MTR: variants seen among roughly 807,000 people sequenced by gnomAD.
The protein encoded by MTR is 5-methyltetrahydrofolate-homocysteine methyltransferase, also known as methionine synthase.
MTR carries 84 observed loss-of-function variants against 154.8 expected under a neutral mutation model. The observed-to-expected ratio is 0.54, with a 90% CI of 0.45 to 0.65. The LOEUF (loss-of-function observed/expected upper bound fraction) is 0.65, where lower values mean the gene tolerates loss of function less well. MTR is among the 30% of genes least tolerant of loss of function. MTR has a pLI of 0.00. For missense variants in MTR, 1,275 were observed against 1,570.2 expected (o/e 0.81, Z 3.18); for synonymous variants, 554 against 553.9 (o/e 1.00, Z 0.00).
rs572940149 is a variant in MTR at position 236,901,879 on chromosome 1, A to G, written c.*4235A>G. 1 of 152,194 alleles carries G rather than the reference A, an allele frequency of 6.6e-6. No homozygotes were observed. Among genetic ancestry groups the G allele is most frequent in the South Asian group, 2.1e-4 (1 of 4,804 alleles). The allele number at this position is 152,194 out of a possible 1,614,324, so 9.4% of individuals were successfully genotyped here. On this transcript the variant is annotated 3_prime_UTR_variant, in exon 33 of 33. Transcript: ENST00000366577. ...TTTGGGGGATACATCAGACCATAAC[A>G]CTTTTCTTTTTCTCAACCTTCACAT...
intron 22 of MTR, among the ~76,000 whole-genome samples, chr1:236,867,508 A>G (rs1023611875): frequency 6.6e-6 from 1 of 152,224 alleles, no homozygotes; most frequent in Non-Finnish European, 1.5e-5. Flanking sequence ...CACAACATCC[A>G]TTCTGCAGCC....
In MTR at chr1:236,831,967, T is replaced by C. The variant is rs745469748; in HGVS notation, c.1077T>C (p.Gly359=). The change falls in exon 13 of 33, where the codon GGT becomes GGC. Residue 359 remains glycine (G), a splice_region_variant and synonymous_variant. Transcript: ENST00000366577. ...TTTCAAAATGCTTCTCCTTTTAAGG[T>C]CTAGAGCCCTTCAGGATTGGACCGT... The part of the protein sequence containing the change: ...TAFEGHMLLS[G]LEPFRIGPYT... The C allele has an allele frequency of 3.7e-6, 6 of 1,613,134 alleles. No individual in the cohort carries two copies. The highest frequency in any genetic ancestry group is 5.1e-6 in the Non-Finnish European group (6 of 1,179,176).
In MTR at chr1:236,795,576, C is replaced by T; in HGVS notation, c.-128C>T. The T allele has an allele frequency of 1.3e-6, 2 of 1,574,984 alleles. No individual in the cohort carries two copies. The highest frequency in any genetic ancestry group is 1.7e-6 in the Non-Finnish European group (2 of 1,165,624). ...CCCCGCGACGCGAGCCAACGGGAGG[C>T]GTCAAAAGACCCGGGCCTTGTGTGG... On this transcript the variant is annotated 5_prime_UTR_variant, in exon 1 of 33. Coordinates refer to ENST00000366577, the MANE Select transcript of MTR (RefSeq NM_000254.3).
chr1:236,843,827 A>T (rs538274228), intron 15 of MTR, among the ~76,000 whole-genome samples: 1 of 152,336 alleles, frequency 6.6e-6, no homozygotes, highest in South Asian at 2.1e-4. Flanking sequence ...AGAAAGACTG[A>T]GAAGCAGGTT....
intron 27 of MTR, 140 bp from the exon 28 acceptor site, chr1:236,889,041 C>T (rs1324438468): frequency 3.0e-6 from 3 of 1,012,160 alleles, no homozygotes; most frequent in Non-Finnish European, 4.7e-6. Context: ...TTAAAGTTCC[C>T]CTCTTTGTAA....
intron 7 of MTR, 43 bp from the exon 8 acceptor site, chr1:236,816,406 A>G (rs1269325516): frequency 6.5e-7 from 1 of 1,528,100 alleles, no homozygotes; most frequent in African/African-American, 1.4e-5. Flanking sequence ...TATATTCTTA[A>G]CTTGAGTCTG....
intron 14 of MTR, 99 bp from the exon 15 acceptor site, chr1:236,838,315 T>G (rs1558299528): frequency 7.9e-7 from 1 of 1,258,538 alleles, no homozygotes; most frequent in Non-Finnish European, 1.1e-6. Context: ...TTGTTTATTG[T>G]TTTGCTAAAG....
At chr1:236,850,320 T>A in intron 15 of MTR, 24 bp from the exon 16 acceptor site, 2 of 1,585,894 alleles carry the variant, frequency 1.3e-6, no homozygotes, top group East Asian at 4.5e-5. Context: ...TATTTCAAAC[T>A]ACATCTTTTG....
At position 236,805,704 on chromosome 1, in the gene MTR, C is replaced by T. The variant is rs573534469; in HGVS notation, c.250-440C>T. Among the ~76,000 whole-genome samples, 72 of 152,058 alleles carry T rather than the reference C, an allele frequency of 4.7e-4. 1 individual carries two copies. Among genetic ancestry groups the T allele is most frequent in the Admixed American group, 7.9e-4 (12 of 15,266 alleles). ...TTAGAGACAGGGTCTTTCTATGTTGCACAGACTGGTCTTGAACTCCTGGCC... is the reference window on the plus strand; with the variant it reads ...TTAGAGACAGGGTCTTTCTATGTTGTACAGACTGGTCTTGAACTCCTGGCC... On this transcript the variant is annotated intron_variant, in intron 2 of 32. Coordinates refer to ENST00000366577, the MANE Select transcript of MTR (RefSeq NM_000254.3).
intron 1 of MTR, among the ~76,000 whole-genome samples, chr1:236,797,363 G>T (rs910800571): frequency 6.6e-6 from 1 of 152,208 alleles, no homozygotes; most frequent in African/African-American, 2.4e-5. Flanking sequence ...GACCATGGTT[G>T]TGTGCCCTGG....
chr1:236,829,066 T>C, intron 11 of MTR, 123 bp from the exon 12 acceptor site: 1 of 748,536 alleles, frequency 1.3e-6, no homozygotes, highest in Middle Eastern at 3.6e-4. Flanking sequence ...AGTAGGTATA[T>C]AATTATATGT....
In MTR at chr1:236,853,159, G is replaced by C. The variant is rs115763289; in HGVS notation, c.1953+71G>C. The C allele has an allele frequency of 3.4e-6, 5 of 1,472,580 alleles. No individual in the cohort carries two copies. The East Asian group carries it at 6.8e-5, about 20-fold the overall frequency. The allele number at this position is 1,472,580 out of a possible 1,614,324, so 91.2% of individuals were successfully genotyped here. A position where few individuals can be genotyped will look rare whatever the true frequency, so the allele number is the denominator to read the frequency against. On this transcript the variant is annotated intron_variant, in intron 18 of 32. Coordinates refer to ENST00000366577, the MANE Select transcript of MTR (RefSeq NM_000254.3). ...ATGTATTACTCACCTACAGTTAGTA[G>C]ACCTTCATGGTGGAATAGAAGCAAA...
chr1:236,806,015 G>C lies in MTR; in HGVS notation c.250-129G>C, dbSNP rs180808537. 162 of 771,574 alleles carry C rather than the reference G, an allele frequency of 2.1e-4. No individual in the cohort carries two copies. The East Asian group carries it at 4.1e-3, about 20-fold the overall frequency. The allele number at this position is 771,574 out of a possible 1,614,324, so 47.8% of individuals were successfully genotyped here. On this transcript the variant is annotated intron_variant, in intron 2 of 32. Transcript: ENST00000366577. ...CCTTTTTGCATCTCTACCTTCTAATGCAGTGCCTTACTCTTAGTAAATGGT... is the reference window on the plus strand; with the variant it reads ...CCTTTTTGCATCTCTACCTTCTAATCCAGTGCCTTACTCTTAGTAAATGGT...
chr1:236,830,783 C>A (rs1044992576), intron 12 of MTR, among the ~76,000 whole-genome samples: 26 of 152,258 alleles, frequency 1.7e-4, no homozygotes, highest in Admixed American at 5.9e-4. Context: ...AGGATCATTG[C>A]CAGATGGAAG....
At chr1:236,866,868 C>T (rs771403870) in intron 22 of MTR, among the ~76,000 whole-genome samples, 2 of 152,272 alleles carry the variant, frequency 1.3e-5, no homozygotes, top group Non-Finnish European at 2.9e-5. Flanking sequence ...GAGCTCCAAC[C>T]GTCTTCAATT....
intron 8 of MTR, among the ~76,000 whole-genome samples, chr1:236,822,966 T>A (rs981832341): frequency 9.9e-5 from 15 of 152,276 alleles, no homozygotes; most frequent in Non-Finnish European, 2.1e-4. Flanking sequence ...AGCTGGAAGT[T>A]TTTTGTAGAT....
chr1:236,832,821 C>G (rs1189064903), intron 13 of MTR, among the ~76,000 whole-genome samples: 1 of 152,208 alleles, frequency 6.6e-6, no homozygotes, highest in Non-Finnish European at 1.5e-5. Flanking sequence ...ATTTATTCCC[C>G]TTCATGGACC....
At chr1:236,820,162 A>T in intron 8 of MTR, 1 of 764,030 alleles carries the variant, frequency 1.3e-6, no homozygotes, top group South Asian at 1.3e-5. Context: ...GATGTGGTGG[A>T]TGCTGGCCTG....
At chr1:236,819,634 C>T (rs1290188234) in intron 8 of MTR, 1 of 516,654 alleles carries the variant, frequency 1.9e-6, no homozygotes, top group Non-Finnish European at 3.6e-6. Context: ...GAAACTTTCA[C>T]AATGTCCAGA....
Sources: gnomAD v4.1 joint callset for allele counts (sites outside exome capture counted in the v4.1 genomes callset) on GRCh38, gnomAD v4.1.1 for gene constraint, MANE v1.5 for transcripts, NCBI Gene and HGNC (gene_info 2026-07-23, HGNC 2026-07-21) for gene names.